Variants in HOMER3 observed in about 807,000 individuals in gnomAD.
The protein encoded by HOMER3 is homer scaffold protein 3.
A neutral mutation model predicts 45.5 loss-of-function variants in HOMER3; 34 were observed. The ratio of observed to expected loss-of-function variants is 0.75; its 90% CI spans 0.57 to 1.00. The LOEUF is 1.00. Among genes scored for constraint, HOMER3 ranks in the 50% least tolerant of loss-of-function variants. The pLI is 0.00. For missense variants in HOMER3, 480 were observed against 497.5 expected, an observed-to-expected ratio of 0.96 and a Z score of 0.33; for synonymous variants, 223 against 208.8, an observed-to-expected ratio of 1.07 and a Z score of -0.58.
chr19:18,932,202 G>A (rs1369606609), intron 6 of HOMER3, 70 bp from the exon 7 acceptor site: 7 of 1,380,968 alleles, frequency 5.1e-6, no homozygotes, highest in Non-Finnish European at 6.8e-6. Context: ...TGCTGGGCTA[G>A]GGGGCGGGGC....
chr19:18,932,885 A>AAACCC, intron 6 of HOMER3, 39 bp downstream of exon 6: 18 of 687,526 alleles, frequency 2.6e-5, no homozygotes, highest in Non-Finnish European at 3.6e-5. Flanking sequence ...CCCCACCCCT[A>AAACCC]CCCCCGCCCC....
chr19:18,935,899 A>C (rs2057087695), intron 4 of HOMER3, among the ~76,000 whole-genome samples: 1 of 147,314 alleles, frequency 6.8e-6, no homozygotes, highest in South Asian at 2.1e-4. Flanking sequence ...GGGCGCCTGT[A>C]ATCCTAGTAC....
Position 18,939,006 on chromosome 19 carries a change from T to C in HOMER3, c.-24A>G. On this transcript the variant is annotated 5_prime_UTR_variant, in exon 2 of 10. Transcript: ENST00000392351. ...ATTGGTCAGGCTGGGATGGGCAGGC[T>C]CTAGGGGGCAGCCAGAGAGGTGGCA... 1 of 1,559,742 alleles carries C rather than the reference T, an allele frequency of 6.4e-7. No individual in the cohort carries two copies. The highest frequency in any genetic ancestry group is 8.7e-7 in the Non-Finnish European group (1 of 1,153,462).
At chr19:18,930,390 T>TA (rs1323108797) in intron 9 of HOMER3, among the ~76,000 whole-genome samples, 2 of 137,564 alleles carry the variant, frequency 1.5e-5, no homozygotes, top group African/African-American at 5.6e-5. Context: ...TACCAAAAAA[T>TA]ACAAAAAATT....
At chr19:18,933,498 G>A (rs1769501001) in intron 5 of HOMER3, among the ~76,000 whole-genome samples, 1 of 152,192 alleles carries the variant, frequency 6.6e-6, no homozygotes, top group Non-Finnish European at 1.5e-5. Flanking sequence ...GGGTAGACAA[G>A]CTGGCGGGTG....
intron 7 of HOMER3, 47 bp from the exon 8 acceptor site, chr19:18,931,672 C>T (rs1003558394): frequency 1.9e-6 from 3 of 1,543,622 alleles, no homozygotes; most frequent in Admixed American, 2.0e-5. Context: ...CTGCACTCTC[C>T]CTTGCTCGCC....
At chr19:18,937,122 T>C (rs2057101538) in intron 4 of HOMER3, among the ~76,000 whole-genome samples, 1 of 148,502 alleles carries the variant, frequency 6.7e-6, no homozygotes, top group Non-Finnish European at 1.5e-5. Context: ...CTGGACAACA[T>C]AGTGAGATCC....
At chr19:18,929,698 CAG>C in intron 9 of HOMER3, 64 bp from the exon 10 acceptor site, 1 of 1,343,226 alleles carries the variant, frequency 7.4e-7, no homozygotes, top group Non-Finnish European at 9.9e-7. Flanking sequence ...CCGAGGCATC[CAG>C]AGTCTGACCA....
rs372235545 is a variant in HOMER3, at chr19:18,929,319, C to G, written c.*124G>C. 2.6e-5 allele frequency: 30 copies of G among 1,158,562 alleles called. No individual in the cohort carries two copies. In the South Asian group the frequency reaches 3.7e-4, roughly 14 times the overall value. 71.8% of individuals were successfully genotyped at this position (1,158,562 alleles called of 1,614,324 possible). ...GGGGCCCACCCCAGCCCAGCCCGGC[C>G]CGGCCCACCCAGGGCTAAGTTGGGA... is the stretch of plus-strand genomic sequence containing the variant. On this transcript the variant is annotated 3_prime_UTR_variant, in exon 10 of 10. Coordinates refer to ENST00000392351, the MANE Select transcript of HOMER3 (RefSeq NM_004838.4).
rs770991391 is a variant in HOMER3 at position 18,931,294 on chromosome 19, C to T, written c.894+31G>A. On this transcript the variant is annotated intron_variant, in intron 9 of 9. Coordinates refer to ENST00000392351, the MANE Select transcript of HOMER3 (RefSeq NM_004838.4). ...GTCTGTTGAGGTGACTGTCACCCACCGTCACCCCACCTCCTTGTGCCCACA... is the reference window on the plus strand; with the variant it reads ...GTCTGTTGAGGTGACTGTCACCCACTGTCACCCCACCTCCTTGTGCCCACA... 26 of 1,569,922 alleles carry T rather than the reference C, an allele frequency of 1.7e-5. No homozygotes were observed. The South Asian group carries it at 1.9e-4, about 11-fold the overall frequency.
Position 18,929,439 on chromosome 19 carries a change from C to T in HOMER3, c.*4G>A, listed in dbSNP as rs769144447. Reference sequence around the variant, plus strand: ...GGAATCGTTCATAGAAAACCAGCCCCGGCTCAGGGCGCAGCCTCAGCCAGG... The same window carrying T: ...GGAATCGTTCATAGAAAACCAGCCCTGGCTCAGGGCGCAGCCTCAGCCAGG... On this transcript the variant is annotated 3_prime_UTR_variant, in exon 10 of 10. Coordinates refer to ENST00000392351, the MANE Select transcript of HOMER3 (RefSeq NM_004838.4). 23 of 1,587,246 alleles carry T rather than the reference C, an allele frequency of 1.4e-5. No individual in the cohort carries two copies. The highest frequency in any genetic ancestry group is 9.0e-5 in the East Asian group (4 of 44,480).
intron 4 of HOMER3, among the ~76,000 whole-genome samples, chr19:18,934,852 G>A (rs1284796680): frequency 6.7e-6 from 1 of 148,570 alleles, no homozygotes; most frequent in Non-Finnish European, 1.5e-5. Flanking sequence ...TCCCCAGAAT[G>A]GCCCTTTTCC....
At chr19:18,933,711 CTTTT>C (rs879446141) in intron 5 of HOMER3, among the ~76,000 whole-genome samples, 1 of 147,580 alleles carries the variant, frequency 6.8e-6, no homozygotes, top group Admixed American at 6.8e-5. Context: ...TTCTTTCTTT[CTTTT>C]TTTTTTTGAG....
intron 1 of HOMER3, chr19:18,940,363 C>A (rs2057142059): frequency 6.6e-6 from 1 of 152,216 alleles, no homozygotes; most frequent in African/African-American, 2.4e-5. Flanking sequence ...ACGGGGCTCC[C>A]GGAGGGGGGT....
chr19:18,931,890 C>T, intron 7 of HOMER3, 86 bp downstream of exon 7: 1 of 1,442,010 alleles, frequency 6.9e-7, no homozygotes, highest in South Asian at 1.4e-5. Flanking sequence ...AGTCCATGAA[C>T]CCAGGGCAGA....
intron 5 of HOMER3, among the ~76,000 whole-genome samples, chr19:18,933,921 G>A (rs2057064894): frequency 6.6e-6 from 1 of 152,052 alleles, no homozygotes; most frequent in Non-Finnish European, 1.5e-5. Context: ...GGCCAGGCTG[G>A]TCTCGAACTC....
chr19:18,929,226 G>T lies in HOMER3; in HGVS notation c.*217C>A, dbSNP rs747859517. ...GCCACGCTTAGAAATGTAATCGGGG[G>T]ATCTAGAAATTCTACACAATGAGAA... On this transcript the variant is annotated 3_prime_UTR_variant, in exon 10 of 10. Coordinates refer to ENST00000392351, the MANE Select transcript of HOMER3 (RefSeq NM_004838.4). 1 of 764,444 alleles carries T rather than the reference G, an allele frequency of 1.3e-6. No individual in the cohort carries two copies. Among genetic ancestry groups the T allele is most frequent in the Non-Finnish European group, 2.4e-6 (1 of 418,268 alleles). 47.4% of individuals were successfully genotyped at this position (764,444 alleles called of 1,614,324 possible).
In HOMER3 at chr19:18,931,581, G is replaced by A. The variant is rs767924157; in HGVS notation, c.735C>T (p.Thr245=). Residue 245 remains threonine (T), a synonymous_variant, in exon 8 of 10, where the codon ACC becomes ACT. Coordinates refer to ENST00000392351, the MANE Select transcript of HOMER3 (RefSeq NM_004838.4). ...CCTGGCCCAGCCCCTCCTTCTCACC[G>A]GTGGGGGTCACCTCTGAAGCTGCCT... ...EAQAASEVTP[T]GEKEGLGQGQ... is the part of the protein sequence containing the mutation. The A allele has an allele frequency of 3.7e-6, 6 of 1,613,096 alleles. No homozygotes were observed. Among genetic ancestry groups the A allele is most frequent in the South Asian group, 1.1e-5 (1 of 91,044 alleles).
rs778004313 is a variant in HOMER3, at chr19:18,938,335, C to G, written c.303+18G>C. Reference sequence around the variant, plus strand: ...CAGTCTCATCGGTTCCCTCCACTCTCCCCCTCACCCGGCCCACCTGTGTCA... The same window carrying G: ...CAGTCTCATCGGTTCCCTCCACTCTGCCCCTCACCCGGCCCACCTGTGTCA... On this transcript the variant is annotated intron_variant, in intron 4 of 9. Coordinates refer to ENST00000392351, the MANE Select transcript of HOMER3 (RefSeq NM_004838.4). 6 of 1,595,844 alleles carry G rather than the reference C, an allele frequency of 3.8e-6. No homozygotes were observed. The highest frequency in any genetic ancestry group is 1.7e-4 in the Middle Eastern group (1 of 6,000).
Sources: gnomAD v4.1 joint callset for allele counts (sites outside exome capture counted in the v4.1 genomes callset) on GRCh38, gnomAD v4.1.1 for gene constraint, MANE v1.5 for transcripts, NCBI Gene and HGNC (gene_info 2026-07-23, HGNC 2026-07-21) for gene names.